Variants in WFDC10B observed in about 807,000 individuals in gnomAD.
WFDC10B encodes the protein WAP four-disulfide core domain 10B, also known as protein WFDC10B.
WFDC10B carries 1 observed loss-of-function variant against 2.7 expected under a neutral mutation model. The ratio of observed to expected loss-of-function variants is 0.38; its 90% confidence interval spans 0.13 to 1.79. The LOEUF (loss-of-function observed/expected upper bound fraction) is 1.79. WFDC10B is among the 40% of genes most tolerant of loss of function. The pLI is 0.33. For synonymous variants in WFDC10B, 26 were observed against 32.2 expected, an observed-to-expected ratio of 0.81 and a Z score of 0.65; for missense variants, 71 against 87.8, an observed-to-expected ratio of 0.81 and a Z score of 0.76.
chr20:45,694,100 T>C (rs1052205385), intron 2 of WFDC10B, among the ~76,000 whole-genome samples: 2 of 152,236 alleles, frequency 1.3e-5, no homozygotes, highest in Non-Finnish European at 2.9e-5. Context: ...ACTCTGATGA[T>C]AGTCTATTTT....
intron 2 of WFDC10B, among the ~76,000 whole-genome samples, chr20:45,694,561 G>A (rs79977213): frequency 4.6e-5 from 7 of 152,190 alleles, no homozygotes; most frequent in East Asian, 1.9e-4. Flanking sequence ...GAAGGGAGAC[G>A]AAGCACTACA....
intron 2 of WFDC10B, among the ~76,000 whole-genome samples, chr20:45,691,071 T>C (rs1199798167): frequency 6.6e-6 from 1 of 152,194 alleles, no homozygotes; most frequent in East Asian, 1.9e-4. Flanking sequence ...ACATCTTTAT[T>C]TCTGCCTTCA....
chr20:45,684,655 T>C lies in WFDC10B; in HGVS notation c.*175A>G, dbSNP rs908545278. The C allele has an allele frequency of 5.1e-6, 4 of 783,912 alleles. 1 individual carries two copies. In the South Asian group the frequency reaches 5.7e-5, roughly 11 times the overall value. 48.6% of individuals were successfully genotyped at this position (783,912 alleles called of 1,614,324 possible). A position where few individuals can be genotyped will look rare whatever the true frequency, so the allele number is the denominator to read the frequency against. ...GTGGCAGCAAAAGAGGCAGGATCCA[T>C]GGGCATTTGTTCTGGTTTATTTGAC... On this transcript the variant is annotated 3_prime_UTR_variant, in exon 4 of 4. Transcript: ENST00000330523.
At chr20:45,702,293 T>C in intron 2 of WFDC10B, 1 of 1,385,716 alleles carries the variant, frequency 7.2e-7, no homozygotes, top group Non-Finnish European at 1.0e-6. Context: ...CTGTCACACC[T>C]CTTGGAAAAA....
chr20:45,701,018 T>C (rs1265817216), intron 2 of WFDC10B, among the ~76,000 whole-genome samples: 2 of 152,184 alleles, frequency 1.3e-5, no homozygotes, highest in Admixed American at 6.5e-5. Flanking sequence ...TTTGAAATAG[T>C]ATTTGTAGAA....
chr20:45,690,299 C>G (rs1600955535), intron 2 of WFDC10B, among the ~76,000 whole-genome samples: 2 of 151,466 alleles, frequency 1.3e-5, no homozygotes, highest in Admixed American at 6.6e-5. Flanking sequence ...GTCTAAAATT[C>G]TCTTTTTTGG....
In WFDC10B at chr20:45,689,516, T is replaced by C. The variant is rs1367370844; in HGVS notation, c.-64-3460A>G. Among the ~76,000 whole-genome samples, 46 of 152,310 alleles carry C rather than the reference T, an allele frequency of 3.0e-4. No individual in the cohort carries two copies. In the East Asian group the frequency reaches 7.9e-3, roughly 26 times the overall value. On this transcript the variant is annotated intron_variant, in intron 2 of 3. Coordinates refer to ENST00000330523, the MANE Select transcript of WFDC10B (RefSeq NM_172006.2). ...TTTGTTTGTATCCTCTTTTATTTCA[T>C]TGAGCAGTGGTTTGTAGTTCTCCTT...
intron 2 of WFDC10B, among the ~76,000 whole-genome samples, chr20:45,700,776 C>T (rs1457351780): frequency 2.0e-5 from 3 of 152,146 alleles, no homozygotes; most frequent in African/African-American, 7.2e-5. Flanking sequence ...GACAAAAATA[C>T]ACACTATCAC....
intron 2 of WFDC10B, among the ~76,000 whole-genome samples, chr20:45,699,650 A>C (rs1271761446): frequency 3.3e-5 from 5 of 152,208 alleles, no homozygotes; most frequent in Non-Finnish European, 7.3e-5. Flanking sequence ...AGAAATCGGC[A>C]ATATCTAGCC....
intron 2 of WFDC10B, among the ~76,000 whole-genome samples, chr20:45,703,983 T>C (rs1449831018): frequency 6.6e-6 from 1 of 152,146 alleles, no homozygotes; most frequent in Non-Finnish European, 1.5e-5. Flanking sequence ...TACCTTTCAC[T>C]CATTCTTCCT....
chr20:45,701,880 A>G, intron 2 of WFDC10B: 1 of 474,476 alleles, frequency 2.1e-6, no homozygotes, highest in Non-Finnish European at 3.8e-6. Flanking sequence ...ATACAGATGA[A>G]AGAGATAGCA....
intron 2 of WFDC10B, among the ~76,000 whole-genome samples, chr20:45,694,347 T>G (rs913619837): frequency 2.0e-4 from 30 of 151,848 alleles, no homozygotes; most frequent in Admixed American, 1.4e-3. Context: ...ATTTTCTGCA[T>G]ATGGCAAATA....
chr20:45,689,291 T>A (rs1428869257), intron 2 of WFDC10B, among the ~76,000 whole-genome samples: 2 of 151,962 alleles, frequency 1.3e-5, no homozygotes, highest in East Asian at 3.9e-4. Flanking sequence ...TCCAGCTTTG[T>A]TCTTTTGGCT....
intron 2 of WFDC10B, among the ~76,000 whole-genome samples, chr20:45,688,446 C>G (rs1469030586): frequency 6.6e-6 from 1 of 151,360 alleles, no homozygotes; most frequent in East Asian, 1.9e-4. Context: ...TGAGGAATCG[C>G]CACTCCCACC....
chr20:45,704,957 A>T lies in WFDC10B; in HGVS notation c.-169T>A. 6.2e-7 allele frequency: 1 copy of T among 1,614,052 alleles called. No homozygotes were observed. The highest frequency in any genetic ancestry group is 8.5e-7 in the Non-Finnish European group (1 of 1,179,992). ...AAAATCCCAAAGCAAAATTTGTCCT[A>T]CACTTTTGCTTGCCCTCCTTTCACA... On this transcript the variant is annotated 5_prime_UTR_variant, in exon 1 of 4. Transcript: ENST00000330523.
chr20:45,695,249 C>T (rs1983942183), intron 2 of WFDC10B, among the ~76,000 whole-genome samples: 1 of 152,152 alleles, frequency 6.6e-6, no homozygotes, highest in Non-Finnish European at 1.5e-5. Context: ...GGGGTCTGCA[C>T]TAACTTCAAG....
chr20:45,687,261 G>A (rs965005238), intron 2 of WFDC10B, among the ~76,000 whole-genome samples: 2 of 151,602 alleles, frequency 1.3e-5, no homozygotes, highest in African/African-American at 4.8e-5. Context: ...TGAACATGGG[G>A]TGTTTGGTTT....
At chr20:45,696,460 C>A (rs1370765327) in intron 2 of WFDC10B, among the ~76,000 whole-genome samples, 2 of 151,582 alleles carry the variant, frequency 1.3e-5, no homozygotes, top group South Asian at 4.2e-4. Context: ...TCAACAAGAC[C>A]AAAGCTTGGT....
intron 2 of WFDC10B, among the ~76,000 whole-genome samples, chr20:45,696,733 C>A (rs1301441017): frequency 2.6e-5 from 4 of 152,012 alleles, no homozygotes; most frequent in Non-Finnish European, 5.9e-5. Context: ...AGACCTATAA[C>A]AAATAAAGAG....
Sources: allele counts gnomAD v4.1 joint callset (sites outside exome capture counted in the v4.1 genomes callset), GRCh38; gene constraint gnomAD v4.1.1; transcripts MANE v1.5; gene names NCBI Gene and HGNC (gene_info 2026-07-23, HGNC 2026-07-21).